EPS15L1: variants seen among roughly 807,000 people sequenced by gnomAD.
EPS15L1 encodes epidermal growth factor receptor pathway substrate 15 like 1, also known as epidermal growth factor receptor substrate 15-like 1.
A neutral mutation model predicts 117.1 loss-of-function variants in EPS15L1; 43 were observed. The observed-to-expected ratio is 0.37, with a 90% CI of 0.29 to 0.47. The LOEUF (loss-of-function observed/expected upper bound fraction) is 0.47, where lower values mean the gene tolerates loss of function less well. Among genes scored for constraint, EPS15L1 ranks in the 20% least tolerant of loss-of-function variants. The pLI is 0.99. For synonymous variants in EPS15L1, 459 were observed against 470.5 expected (o/e 0.98, Z 0.32); for missense variants, 981 against 1,164.0 (o/e 0.84, Z 2.29).
At chr19:16,386,034 G>A (rs573862639) in intron 20 of EPS15L1, 137 bp downstream of exon 20, 3 of 697,840 alleles carry the variant, frequency 4.3e-6, no homozygotes, top group South Asian at 1.7e-5. Flanking sequence ...ATGGGCTCAG[G>A]CCAGGATCTG....
chr19:16,428,849 TG>T, intron 7 of EPS15L1, 88 bp from the exon 8 acceptor site: 3 of 997,938 alleles, frequency 3.0e-6, no homozygotes, highest in Non-Finnish European at 4.7e-6. Context: ...CTCTCAGCCG[TG>T]GCACTCACTG....
At chr19:16,460,095 T>C (rs2093234281) in intron 1 of EPS15L1, among the ~76,000 whole-genome samples, 1 of 152,098 alleles carries the variant, frequency 6.6e-6, no homozygotes, top group Admixed American at 6.5e-5. Context: ...GGCAAAACAG[T>C]GAGACCCTAG....
chr19:16,367,606 CCTAG>C (rs2092154681), intron 22 of EPS15L1, among the ~76,000 whole-genome samples: 1 of 151,452 alleles, frequency 6.6e-6, no homozygotes, highest in Non-Finnish European at 1.5e-5. Flanking sequence ...TGCGCACGCC[CCTAG>C]CACCCGGGAT....
chr19:16,427,774 A>T (rs975488274), intron 8 of EPS15L1, among the ~76,000 whole-genome samples: 2 of 152,132 alleles, frequency 1.3e-5, no homozygotes, highest in Non-Finnish European at 2.9e-5. Flanking sequence ...TGCACCTGTA[A>T]TTCCAGCTAC....
chr19:16,465,421 C>T (rs1218395336), intron 1 of EPS15L1, among the ~76,000 whole-genome samples: 1 of 152,144 alleles, frequency 6.6e-6, no homozygotes, highest in African/African-American at 2.4e-5. Context: ...TGGTGGCTCA[C>T]ACCTGTAATC....
intron 22 of EPS15L1, among the ~76,000 whole-genome samples, chr19:16,368,371 G>A (rs1189159351): frequency 6.6e-6 from 1 of 152,036 alleles, no homozygotes; most frequent in Non-Finnish European, 1.5e-5. Context: ...TACACAACAG[G>A]AGATGGCTAC....
At chr19:16,403,018 G>A (rs916970471) in intron 15 of EPS15L1, among the ~76,000 whole-genome samples, 1 of 152,218 alleles carries the variant, frequency 6.6e-6, no homozygotes, top group African/African-American at 2.4e-5. Context: ...GTCCATGCTT[G>A]CGATCAACTG....
At chr19:16,388,956 G>C (rs2144757792) in intron 19 of EPS15L1, among the ~76,000 whole-genome samples, 1 of 152,126 alleles carries the variant, frequency 6.6e-6, no homozygotes, top group East Asian at 1.9e-4. Context: ...TGTCCTTCAA[G>C]AATGACAACA....
chr19:16,419,747 T>C (rs1301759674), intron 10 of EPS15L1, among the ~76,000 whole-genome samples: 1 of 152,212 alleles, frequency 6.6e-6, no homozygotes, highest in Non-Finnish European at 1.5e-5. Context: ...ACATTGCTGA[T>C]AAATGCCTAG....
At chr19:16,456,522 T>C (rs2093197889) in intron 1 of EPS15L1, among the ~76,000 whole-genome samples, 1 of 151,970 alleles carries the variant, frequency 6.6e-6, no homozygotes, top group South Asian at 2.1e-4. Flanking sequence ...CTGGGCGTGG[T>C]GGCGGGTACC....
chr19:16,450,556 C>A (rs1208731532), intron 1 of EPS15L1, among the ~76,000 whole-genome samples: 1 of 150,058 alleles, frequency 6.7e-6, no homozygotes, highest in Non-Finnish European at 1.5e-5. Flanking sequence ...TCTCGGCTCA[C>A]TGCAACCTCC....
intron 22 of EPS15L1, among the ~76,000 whole-genome samples, chr19:16,364,052 G>C (rs905574112): frequency 3.3e-5 from 5 of 152,196 alleles, no homozygotes; most frequent in African/African-American, 9.6e-5. Context: ...GATCCTTCCA[G>C]ACTCCTTGTC....
At chr19:16,372,795 A>T (rs2092243130) in intron 22 of EPS15L1, among the ~76,000 whole-genome samples, 1 of 152,196 alleles carries the variant, frequency 6.6e-6, no homozygotes, top group African/African-American at 2.4e-5. Context: ...TCAGGCAGGA[A>T]AACTGAGGCT....
At chr19:16,438,387 T>A (rs887133955) in intron 4 of EPS15L1, among the ~76,000 whole-genome samples, 3 of 152,130 alleles carry the variant, frequency 2.0e-5, no homozygotes, top group Non-Finnish European at 2.9e-5. Context: ...AAAATGGACT[T>A]ATTCCACTGC....
chr19:16,361,893 C>A lies in EPS15L1; in HGVS notation c.2472G>T (p.Pro824=). Residue 824 remains proline, a synonymous_variant, in exon 23 of 24, where the codon CCG becomes CCT. Transcript: ENST00000455140. ...FQPLGADSGD[P]FQSKKGFGDP... ...CCCCAAACCCCTTTTTACTTTGGAA[C>A]GGGTCGCCGCTGTCAGCCCCGAGTG... The A allele has an allele frequency of 6.2e-7, 1 of 1,613,992 alleles. No individual in the cohort carries two copies. The highest frequency in any genetic ancestry group is 8.5e-7 in the Non-Finnish European group (1 of 1,179,976).
Position 16,371,598 on chromosome 19 carries a change from G to T in EPS15L1, c.2380+5524C>A, listed in dbSNP as rs2092225393. On this transcript the variant is annotated intron_variant, in intron 22 of 23. Transcript: ENST00000455140. The surrounding 1 kb of genome is among the most constrained non-coding windows in gnomAD (Gnocchi z 4.7). ...GAGGTTAAAGGTGACTGGCTGGTTA[G>T]CGGTAGAACTGCGCTGGCTGGTGTC... Among the ~76,000 whole-genome samples, 1 of 152,176 alleles carries T rather than the reference G, an allele frequency of 6.6e-6. No individual in the cohort carries two copies. The highest frequency in any genetic ancestry group is 6.5e-5 in the Admixed American group (1 of 15,280).
chr19:16,463,194 G>A (rs1249294792), intron 1 of EPS15L1, among the ~76,000 whole-genome samples: 3 of 152,098 alleles, frequency 2.0e-5, no homozygotes, highest in African/African-American at 4.8e-5. Context: ...GCAAAGTGAT[G>A]GGTTTTGACT....
chr19:16,414,339 C>T (rs917942899), intron 12 of EPS15L1, among the ~76,000 whole-genome samples: 5 of 152,242 alleles, frequency 3.3e-5, no homozygotes, highest in Middle Eastern at 3.4e-3. Flanking sequence ...AGAGCCCAGC[C>T]CAGCCGACGC....
intron 16 of EPS15L1, among the ~76,000 whole-genome samples, chr19:16,399,873 A>G (rs1014031117): frequency 6.6e-6 from 1 of 152,124 alleles, no homozygotes; most frequent in Non-Finnish European, 1.5e-5. Context: ...TGGCTCCAGC[A>G]TGCCACTGGG....
Sources: allele counts gnomAD v4.1 joint callset (sites outside exome capture counted in the v4.1 genomes callset), GRCh38; gene constraint gnomAD v4.1.1; non-coding constraint Gnocchi (gnomAD v3.1); transcripts MANE v1.5; gene names NCBI Gene and HGNC (gene_info 2026-07-23, HGNC 2026-07-21).